CBLB: variants seen among roughly 807,000 people sequenced by gnomAD.
The protein encoded by CBLB is E3 ubiquitin-protein ligase CBL-B.
CBLB carries 31 observed loss-of-function variants against 104.9 expected under a neutral mutation model. The ratio of observed to expected loss-of-function variants is 0.30; its 90% CI spans 0.22 to 0.40. The LOEUF is 0.40. Among genes scored for constraint, CBLB ranks in the 10% least tolerant of loss-of-function variants. The probability of loss-of-function intolerance (pLI) is 1.00; values close to 1 mark genes in which losing one functional copy is unlikely to be tolerated. For synonymous variants in CBLB, 440 were observed against 422.6 expected, an observed-to-expected ratio of 1.04 and a Z score of -0.51; for missense variants, 1,062 against 1,214.6, an observed-to-expected ratio of 0.87 and a Z score of 1.87.
chr3:105,682,431 T>C (rs2066425226), intron 14 of CBLB, among the ~76,000 whole-genome samples: 1 of 152,208 alleles, frequency 6.6e-6, no homozygotes, highest in Non-Finnish European at 1.5e-5. Flanking sequence ...AGCAAAGGCC[T>C]TGGGTACACG....
At chr3:105,697,790 T>TA (rs2068572740) in intron 12 of CBLB, among the ~76,000 whole-genome samples, 1 of 152,098 alleles carries the variant, frequency 6.6e-6, no homozygotes, top group African/African-American at 2.4e-5. Context: ...CAGTTAAAGA[T>TA]AGTTTTATCA....
At position 105,678,358 on chromosome 3, in the gene CBLB, A is replaced by T. The variant is rs56179423; in HGVS notation, c.2569+73T>A. 1.2e-3 allele frequency: 1,742 copies of T among 1,445,768 alleles called. 8 individuals are homozygous for T. The Middle Eastern group carries it at 0.021, about 17-fold the overall frequency. The allele number at this position is 1,445,768 out of a possible 1,614,324, so 89.6% of individuals were successfully genotyped here. On this transcript the variant is annotated intron_variant, in intron 17 of 18. Transcript: ENST00000394030. ...AGGTAGAGACTAATGAATCACTAAC[A>T]TTTATTTGATAGTATGGTTTTGGAA...
At position 105,656,389 on chromosome 3, in the gene CBLB, G is replaced by T. The variant is rs945294349; in HGVS notation, c.*2581C>A. Reference sequence around the variant, plus strand: ...CACTTCCAGACATCAACGAGCAGTCGCTTTTACAATAAAAAAAAATTTTTT... The same window carrying T: ...CACTTCCAGACATCAACGAGCAGTCTCTTTTACAATAAAAAAAAATTTTTT... On this transcript the variant is annotated 3_prime_UTR_variant, in exon 19 of 19. Transcript: ENST00000394030. The T allele has an allele frequency of 5.0e-6, 1 of 201,260 alleles. No homozygotes were observed. The highest frequency in any genetic ancestry group is 2.3e-5 in the African/African-American group (1 of 43,500). 12.5% of individuals were successfully genotyped at this position (201,260 alleles called of 1,614,324 possible). A position where few individuals can be genotyped will look rare whatever the true frequency, so the allele number is the denominator to read the frequency against.
intron 10 of CBLB, among the ~76,000 whole-genome samples, chr3:105,718,085 G>A (rs1397326922): frequency 6.6e-6 from 1 of 152,016 alleles, no homozygotes; most frequent in Non-Finnish European, 1.5e-5. Context: ...AGTTAACTTT[G>A]TTTTGAGACT....
chr3:105,700,034 C>T (rs2068866968), intron 12 of CBLB, among the ~76,000 whole-genome samples: 1 of 152,104 alleles, frequency 6.6e-6, no homozygotes, highest in African/African-American at 2.4e-5. Context: ...AAAATTTTCA[C>T]TCAGTGTTCT....
intron 3 of CBLB, among the ~76,000 whole-genome samples, chr3:105,799,899 A>C (rs1279338102): frequency 6.6e-6 from 1 of 152,234 alleles, no homozygotes; most frequent in Non-Finnish European, 1.5e-5. Context: ...GCTGGATCTT[A>C]GTCATGTCCT....
At chr3:105,754,495 G>GGA in intron 4 of CBLB, among the ~76,000 whole-genome samples, 1 of 40,298 alleles carries the variant, frequency 2.5e-5, no homozygotes, top group Admixed American at 2.5e-4. Context: ...GAAAAGGGAA[G>GGA]AGAGAGAGAG....
chr3:105,784,114 AAC>A, intron 3 of CBLB, among the ~76,000 whole-genome samples: 1 of 152,364 alleles, frequency 6.6e-6, no homozygotes, highest in Admixed American at 6.5e-5. Context: ...TTAAAAGCTT[AAC>A]AATATATATT....
At chr3:105,726,590 C>T (rs1020837996) in intron 9 of CBLB, among the ~76,000 whole-genome samples, 6 of 149,514 alleles carry the variant, frequency 4.0e-5, no homozygotes, top group African/African-American at 1.5e-4. Flanking sequence ...TTCTGGGATA[C>T]ATGTGCAGAA....
At chr3:105,757,275 G>C (rs1284317593) in intron 4 of CBLB, among the ~76,000 whole-genome samples, 3 of 152,188 alleles carry the variant, frequency 2.0e-5, no homozygotes, top group Non-Finnish European at 2.9e-5. Flanking sequence ...GCTATACAAT[G>C]AAGGAAGGAG....
At chr3:105,665,442 T>TATATAC (rs1182735970) in intron 18 of CBLB, among the ~76,000 whole-genome samples, 168 of 66,972 alleles carry the variant, frequency 2.5e-3, no homozygotes, top group African/African-American at 5.2e-3. Flanking sequence ...TATATATATA[T>TATATAC]ACACACACAC....
At chr3:105,755,016 CTTTTTTTTTTTTTTTTT>C (rs67405809) in intron 4 of CBLB, among the ~76,000 whole-genome samples, 84,699 of 144,552 alleles carry the variant, frequency 0.59, 24,673 homozygotes, top group Middle Eastern at 0.69. Context: ...AGTATCTTTT[CTTTTTTTTTTTTTTTTT>C]TTTATTATAC....
intron 7 of CBLB, among the ~76,000 whole-genome samples, chr3:105,739,021 T>C (rs750985380): frequency 6.6e-6 from 1 of 152,140 alleles, no homozygotes; most frequent in Admixed American, 6.5e-5. Flanking sequence ...GATTAACCCA[T>C]CTTAGCCTCC....
rs558262753 is a variant in CBLB at position 105,861,416 on chromosome 3, A to G, written c.168+5994T>C. On this transcript the variant is annotated intron_variant, in intron 2 of 18. Transcript: ENST00000394030. Reference sequence around the variant, plus strand: ...TTATGCCTTAAATCACTTCCTGACAACCCAATATAAAATTTACAAATTCCC... The same window carrying G: ...TTATGCCTTAAATCACTTCCTGACAGCCCAATATAAAATTTACAAATTCCC... Among the ~76,000 whole-genome samples the G allele has an allele frequency of 2.0e-5, 3 of 152,190 alleles. No homozygotes were observed. The South Asian group carries it at 6.2e-4, about 32-fold the overall frequency.
chr3:105,668,298 CT>C (rs1349642774), intron 18 of CBLB, among the ~76,000 whole-genome samples: 3 of 152,108 alleles, frequency 2.0e-5, no homozygotes, highest in African/African-American at 4.8e-5. Flanking sequence ...GGGATTCATA[CT>C]GCTTGAAATC....
intron 3 of CBLB, among the ~76,000 whole-genome samples, chr3:105,793,438 T>C (rs1242674548): frequency 7.4e-6 from 1 of 134,920 alleles, no homozygotes; most frequent in Non-Finnish European, 1.5e-5. Flanking sequence ...GTTCCTTCCA[T>C]AAACCTCTGG....
chr3:105,699,204 T>G (rs1366953937), intron 12 of CBLB, among the ~76,000 whole-genome samples: 1 of 151,804 alleles, frequency 6.6e-6, no homozygotes, highest in Non-Finnish European at 1.5e-5. Context: ...CTACGTTAAA[T>G]AAAAGAAAAA....
chr3:105,685,217 T>C, intron 14 of CBLB, 103 bp downstream of exon 14: 1 of 1,022,186 alleles, frequency 9.8e-7, no homozygotes, highest in Non-Finnish European at 1.5e-6. Flanking sequence ...GAGCTGGAAA[T>C]TAAGGATTTT....
In CBLB at chr3:105,851,360, G is replaced by A. The variant is rs557857739; in HGVS notation, c.419+2054C>T. ...CTGCACAGACAGTAAAAAGATCAGCGGTTGCCATGGGTTCAGGGGGGGAAG... is the reference window on the plus strand; with the variant it reads ...CTGCACAGACAGTAAAAAGATCAGCAGTTGCCATGGGTTCAGGGGGGGAAG... On this transcript the variant is annotated intron_variant, in intron 3 of 18. Transcript: ENST00000394030. Among the ~76,000 whole-genome samples, 4 of 150,890 alleles carry A rather than the reference G, an allele frequency of 2.7e-5. No individual in the cohort carries two copies. In the South Asian group the frequency reaches 6.4e-4, roughly 24 times the overall value.
Sources: gnomAD v4.1 joint callset for allele counts (sites outside exome capture counted in the v4.1 genomes callset) on GRCh38, gnomAD v4.1.1 for gene constraint, MANE v1.5 for transcripts, NCBI Gene and HGNC (gene_info 2026-07-23, HGNC 2026-07-21) for gene names.